VTCN1: variants seen among roughly 807,000 people sequenced by gnomAD.
VTCN1 encodes the protein V-set domain containing T cell activation inhibitor 1.
VTCN1 carries 26 observed loss-of-function variants against 26.5 expected under a neutral mutation model. The ratio of observed to expected loss-of-function variants is 0.98; its 90% CI spans 0.72 to 1.36. VTCN1 has a LOEUF of 1.36. Ranked by LOEUF, VTCN1 falls within the 40% of genes most tolerant of loss-of-function variation. VTCN1 has a pLI of 0.00. For synonymous variants in VTCN1, 116 were observed against 130.7 expected, an observed-to-expected ratio of 0.89 and a Z score of 0.77; for missense variants, 298 against 337.7, an observed-to-expected ratio of 0.88 and a Z score of 0.92.
chr1:117,203,584 G>A, intron 1 of VTCN1: 4 of 984,362 alleles, frequency 4.1e-6, no homozygotes, highest in Non-Finnish European at 4.8e-6. Flanking sequence ...TGTGAAAAGC[G>A]CACACAGAGA....
intron 1 of VTCN1, among the ~76,000 whole-genome samples, chr1:117,182,717 A>G (rs759355583): frequency 5.9e-5 from 9 of 152,190 alleles, no homozygotes; most frequent in Non-Finnish European, 1.2e-4. Flanking sequence ...AGCTGCCTTC[A>G]ACACAGGGCC....
intron 1 of VTCN1, among the ~76,000 whole-genome samples, chr1:117,193,128 C>A (rs781201284): frequency 5.9e-5 from 9 of 151,982 alleles, no homozygotes. Flanking sequence ...AAATTATATG[C>A]AAATACTACA....
intron 1 of VTCN1, among the ~76,000 whole-genome samples, chr1:117,187,690 G>A (rs542456046): frequency 3.3e-5 from 5 of 152,116 alleles, no homozygotes; most frequent in African/African-American, 9.6e-5. Context: ...TCAAGAACAG[G>A]GACCATATCT....
intron 4 of VTCN1, among the ~76,000 whole-genome samples, chr1:117,148,606 C>T (rs2101427899): frequency 6.6e-6 from 1 of 152,276 alleles, no homozygotes; most frequent in East Asian, 1.9e-4. Flanking sequence ...TTTCCAGTTG[C>T]TGCTAGATAT....
rs1651597560 is a variant in VTCN1, at chr1:117,147,874, CAG to C, written c.725-94_725-93del. 6.6e-7 allele frequency: 1 copy of C among 1,507,040 alleles called. No individual in the cohort carries two copies. The highest frequency in any genetic ancestry group is 2.2e-5 in the Admixed American group (1 of 44,876). 93.4% of individuals were successfully genotyped at this position (1,507,040 alleles called of 1,614,324 possible). ...TTAGCAAAGAAAAGTACCTGAAAAA[CAG>C]AACAAGTTGTTCCTAATTCAGGCAA... On this transcript the variant is annotated intron_variant, in intron 4 of 5. Transcript: ENST00000369458. This position sits in a 1 kb window ranked among gnomAD's most constrained non-coding sequence, Gnocchi z 4.6.
Position 117,167,942 on chromosome 1 carries a change from G to C in VTCN1, c.97+2165C>G, listed in dbSNP as rs1557865987. Among the ~76,000 whole-genome samples the C allele has an allele frequency of 1.3e-5, 2 of 151,892 alleles. No individual in the cohort carries two copies. Among genetic ancestry groups the C allele is most frequent in the Non-Finnish European group, 2.9e-5 (2 of 67,986 alleles). Reference sequence around the variant, plus strand: ...AATCTATTTTAGTATATGAGAGAGAGAGAAAGAGAGAGCAGAAGAAAGAAA... The same window carrying C: ...AATCTATTTTAGTATATGAGAGAGACAGAAAGAGAGAGCAGAAGAAAGAAA... On this transcript the variant is annotated intron_variant, in intron 2 of 5. Transcript: ENST00000369458. The surrounding 1 kb of genome is among the most constrained non-coding windows in gnomAD (Gnocchi z 4.1).
chr1:117,156,824 A>C lies in VTCN1; in HGVS notation c.195T>G (p.Ser65=), dbSNP rs1652101992. 1 of 1,613,998 alleles carries C rather than the reference A, an allele frequency of 6.2e-7. No homozygotes were observed. The highest frequency in any genetic ancestry group is 1.3e-5 in the African/African-American group (1 of 74,892). Residue 65 remains serine, a synonymous_variant, in exon 3 of 6, where the codon TCT becomes TCG. Coordinates refer to ENST00000369458, the MANE Select transcript of VTCN1 (RefSeq NM_024626.4). ...SCTFEPDIKL[S]DIVIQWLKEG... ...CCTTCAGCCATTGTATCACGATATC[A>C]GAAAGTTTGATGTCAGGTTCAAAAG...
chr1:117,184,353 C>A (rs1647826802), intron 1 of VTCN1, among the ~76,000 whole-genome samples: 1 of 151,974 alleles, frequency 6.6e-6, no homozygotes, highest in Non-Finnish European at 1.5e-5. Context: ...CCAGCATTAG[C>A]CAAGCAGGAG....
chr1:117,177,614 G>T (rs1470070383), intron 1 of VTCN1, among the ~76,000 whole-genome samples: 1 of 152,160 alleles, frequency 6.6e-6, no homozygotes. Flanking sequence ...TTGGGGAATT[G>T]CATATAAGAG....
intron 2 of VTCN1, among the ~76,000 whole-genome samples, chr1:117,165,119 C>T (rs1251551626): frequency 4.6e-5 from 7 of 152,208 alleles, no homozygotes; most frequent in South Asian, 2.1e-4. Flanking sequence ...TCTGTGTGAA[C>T]GTTGTCATTG....
At chr1:117,157,984 C>A (rs1652174496) in intron 2 of VTCN1, among the ~76,000 whole-genome samples, 4 of 152,222 alleles carry the variant, frequency 2.6e-5, no homozygotes. Flanking sequence ...GACTCCAGGT[C>A]TCACATCCAG....
At chr1:117,196,048 A>C (rs1313542934) in intron 1 of VTCN1, among the ~76,000 whole-genome samples, 2 of 152,154 alleles carry the variant, frequency 1.3e-5, no homozygotes, top group Non-Finnish European at 2.9e-5. Flanking sequence ...GCTACTTGGA[A>C]GGGTGAAGTG....
At position 117,156,658 on chromosome 1, in the gene VTCN1, G is replaced by A. The variant is rs749723116; in HGVS notation, c.361C>T (p.Gln121Ter). ...TTGTAGGTGCCAGCATCTGTGAGTTGCACGTTTTTCAGCCGCAAAGAGGCA... is the reference window on the plus strand; with the variant it reads ...TTGTAGGTGCCAGCATCTGTGAGTTACACGTTTTTCAGCCGCAAAGAGGCA... Reference protein sequence around the residue: ...GNASLRLKNVQLTDAGTYKCY... With the variant: ...GNASLRLKNV Residue 121 changes from glutamine to a stop codon, truncating the protein, a stop_gained, in exon 3 of 6, where the codon CAA becomes TAA. Coordinates refer to ENST00000369458, the MANE Select transcript of VTCN1 (RefSeq NM_024626.4). LOFTEE classifies it high-confidence loss of function. 3.1e-6 allele frequency: 5 copies of A among 1,614,082 alleles called. No individual in the cohort carries two copies. The highest frequency in any genetic ancestry group is 4.2e-6 in the Non-Finnish European group (5 of 1,180,014).
At chr1:117,157,297 C>T (rs1340491550) in intron 2 of VTCN1, among the ~76,000 whole-genome samples, 1 of 151,960 alleles carries the variant, frequency 6.6e-6, no homozygotes, top group African/African-American at 2.4e-5. Flanking sequence ...CAATGTCTGT[C>T]TTACCTACTA....
At position 117,147,862 on chromosome 1, in the gene VTCN1, G is replaced by A. The variant is rs1651596862; in HGVS notation, c.725-80C>T. On this transcript the variant is annotated intron_variant, in intron 4 of 5. Transcript: ENST00000369458. The surrounding 1 kb of genome is among the most constrained non-coding windows in gnomAD (Gnocchi z 4.6). ...TCACATGACTGGTTAGCAAAGAAAA[G>A]TACCTGAAAAACAGAACAAGTTGTT... 3 of 1,527,286 alleles carry A rather than the reference G, an allele frequency of 2.0e-6. No individual in the cohort carries two copies. Among genetic ancestry groups the A allele is most frequent in the African/African-American group, 2.8e-5 (2 of 71,150 alleles). 94.6% of individuals were successfully genotyped at this position (1,527,286 alleles called of 1,614,324 possible). A position where few individuals can be genotyped will look rare whatever the true frequency, so the allele number is the denominator to read the frequency against.
chr1:117,194,192 T>C (rs551578716), intron 1 of VTCN1, among the ~76,000 whole-genome samples: 36 of 152,174 alleles, frequency 2.4e-4, no homozygotes, highest in African/African-American at 8.4e-4. Flanking sequence ...ATAACCCAAG[T>C]TTTAAAAATG....
chr1:117,173,358 A>G, intron 1 of VTCN1: 1 of 499,814 alleles, frequency 2.0e-6, no homozygotes, highest in South Asian at 2.2e-5. Flanking sequence ...AAATTTGGAC[A>G]CAGATGAACA....
intron 1 of VTCN1, among the ~76,000 whole-genome samples, chr1:117,200,181 T>C (rs567649219): frequency 6.6e-6 from 1 of 152,208 alleles, no homozygotes; most frequent in Non-Finnish European, 1.5e-5. Context: ...GTGGGAGGAT[T>C]GCTTGAGCCC....
intron 2 of VTCN1, among the ~76,000 whole-genome samples, chr1:117,164,092 A>T (rs1652495566): frequency 6.6e-6 from 1 of 152,142 alleles, no homozygotes; most frequent in Non-Finnish European, 1.5e-5. Flanking sequence ...GCTGAGGAGC[A>T]GATGTCCCTG....
Sources: allele counts gnomAD v4.1 joint callset (sites outside exome capture counted in the v4.1 genomes callset), GRCh38; gene constraint gnomAD v4.1.1; non-coding constraint Gnocchi (gnomAD v3.1); transcripts MANE v1.5; gene names NCBI Gene and HGNC (gene_info 2026-07-23, HGNC 2026-07-21).